Variants in MIPEP observed in about 807,000 individuals in gnomAD.
The protein encoded by MIPEP is mitochondrial intermediate peptidase.
In MIPEP, 79 loss-of-function variants were observed where a neutral mutation model predicts 90.3. The ratio of observed to expected loss-of-function variants is 0.87; its 90% CI spans 0.73 to 1.05. The LOEUF (loss-of-function observed/expected upper bound fraction) is 1.05. Ranked by LOEUF, MIPEP falls within the 50% of genes least tolerant of loss-of-function variation. The pLI is 0.00. For missense variants in MIPEP, 940 were observed against 905.6 expected (o/e 1.04, Z -0.49); for synonymous variants, 334 against 315.8 (o/e 1.06, Z -0.61).
intron 4 of MIPEP, among the ~76,000 whole-genome samples, chr13:23,878,757 C>T (rs746221131): frequency 2.0e-5 from 3 of 152,160 alleles, no homozygotes; most frequent in Non-Finnish European, 4.4e-5. Context: ...CAAAGCAAAT[C>T]ATTACAAGGA....
intron 8 of MIPEP, among the ~76,000 whole-genome samples, chr13:23,863,566 A>AT (rs1356525819): frequency 6.6e-6 from 1 of 152,248 alleles, no homozygotes; most frequent in African/African-American, 2.4e-5. Context: ...CATCCCCAAG[A>AT]TATCTCATTA....
At chr13:23,802,873 C>T (rs1253214842) in intron 16 of MIPEP, among the ~76,000 whole-genome samples, 3 of 152,020 alleles carry the variant, frequency 2.0e-5, no homozygotes, top group Admixed American at 6.5e-5. Context: ...ATGAGTTTGC[C>T]CAACTGTAGG....
chr13:23,802,905 C>T (rs1953061047), intron 16 of MIPEP, among the ~76,000 whole-genome samples: 1 of 152,146 alleles, frequency 6.6e-6, no homozygotes, highest in Admixed American at 6.5e-5. Context: ...ATTCTGAGCA[C>T]ATTTAAGGTA....
chr13:23,812,119 C>T (rs1410779474), intron 14 of MIPEP, among the ~76,000 whole-genome samples: 1 of 152,138 alleles, frequency 6.6e-6, no homozygotes, highest in African/African-American at 2.4e-5. Context: ...TGGGCAACAG[C>T]AGGTGTCTGC....
chr13:23,874,305 A>C (rs1870961657), intron 5 of MIPEP, among the ~76,000 whole-genome samples: 1 of 151,722 alleles, frequency 6.6e-6, no homozygotes, highest in South Asian at 2.1e-4. Context: ...CAGTGTTAGA[A>C]ATTTTAAGAA....
intron 16 of MIPEP, among the ~76,000 whole-genome samples, chr13:23,781,381 A>C (rs1475214805): frequency 2.0e-5 from 3 of 152,302 alleles, no homozygotes; most frequent in Middle Eastern, 3.4e-3. Context: ...GAGAAATAAA[A>C]TACTTTACAG....
intron 18 of MIPEP, among the ~76,000 whole-genome samples, chr13:23,745,730 C>T (rs1038580839): frequency 1.3e-5 from 2 of 152,008 alleles, no homozygotes; most frequent in African/African-American, 4.8e-5. Flanking sequence ...GAGTTCGAGA[C>T]CAGCCTGGCC....
At chr13:23,848,349 C>A (rs909556313) in intron 10 of MIPEP, among the ~76,000 whole-genome samples, 1 of 152,202 alleles carries the variant, frequency 6.6e-6, no homozygotes, top group Non-Finnish European at 1.5e-5. Flanking sequence ...CCCTTCTATT[C>A]CCCAAAGCTG....
intron 8 of MIPEP, among the ~76,000 whole-genome samples, chr13:23,863,677 C>T (rs888532096): frequency 6.6e-6 from 1 of 152,046 alleles, no homozygotes; most frequent in African/African-American, 2.4e-5. Context: ...TTATAACAAA[C>T]GGACACACCA....
At chr13:23,864,253 AATT>A (rs1458351441) in intron 7 of MIPEP, 64 bp from the exon 8 acceptor site, 23 of 1,117,406 alleles carry the variant, frequency 2.1e-5, no homozygotes, top group East Asian at 2.6e-5. Context: ...TATCTGTTAA[AATT>A]ATTATGTGAT....
intron 12 of MIPEP, 25 bp downstream of exon 12, chr13:23,839,624 G>T (rs771136664): frequency 1.2e-5 from 18 of 1,555,652 alleles, no homozygotes; most frequent in Non-Finnish European, 1.5e-5. Context: ...GTTCTAGAGA[G>T]ACCAGTTTAT....
At position 23,836,357 on chromosome 13, in the gene MIPEP, AAG is replaced by A; in HGVS notation, c.1544-10_1544-9del. ...CAGTAGGGCACCTGGTCCCTAAAAC[AAG>A]AAAAAAAAAAAAGTTGGCATGAATC... On this transcript the variant is annotated splice_polypyrimidine_tract_variant and intron_variant, in intron 13 of 18. Transcript: ENST00000382172. 6.5e-7 allele frequency: 1 copy of A among 1,534,300 alleles called. No individual in the cohort carries two copies. Among genetic ancestry groups the A allele is most frequent in the South Asian group, 1.3e-5 (1 of 78,682 alleles).
At chr13:23,749,257 CTT>C (rs1952414787) in intron 18 of MIPEP, among the ~76,000 whole-genome samples, 1 of 152,162 alleles carries the variant, frequency 6.6e-6, no homozygotes, top group Non-Finnish European at 1.5e-5. Context: ...ACAGACAGGA[CTT>C]ATTGCTCCTC....
chr13:23,888,863 G>T, intron 1 of MIPEP: 2 of 607,428 alleles, frequency 3.3e-6, no homozygotes, highest in Non-Finnish European at 2.3e-6. Flanking sequence ...CTGCCAGAAC[G>T]AACTATTCAG....
chr13:23,865,399 T>C (rs1870486663), intron 7 of MIPEP, among the ~76,000 whole-genome samples: 1 of 152,242 alleles, frequency 6.6e-6, no homozygotes, highest in Non-Finnish European at 1.5e-5. Context: ...TTCTTGCCAC[T>C]GTCAATACTT....
chr13:23,876,715 G>T (rs1478831667), intron 4 of MIPEP, among the ~76,000 whole-genome samples: 1 of 152,036 alleles, frequency 6.6e-6, no homozygotes, highest in Admixed American at 6.5e-5. Context: ...ATGTGGAAGC[G>T]TTTTGCCTTA....
intron 14 of MIPEP, among the ~76,000 whole-genome samples, chr13:23,831,954 G>T (rs1331046029): frequency 6.6e-6 from 1 of 152,102 alleles, no homozygotes; most frequent in Non-Finnish European, 1.5e-5. Flanking sequence ...TTTGTAAAGA[G>T]CCACTGTGAT....
intron 2 of MIPEP, among the ~76,000 whole-genome samples, chr13:23,884,012 T>C (rs2137540484): frequency 6.6e-6 from 1 of 152,264 alleles, no homozygotes; most frequent in East Asian, 1.9e-4. Context: ...GGTGAACATA[T>C]AATCATCTGA....
Position 23,889,118 on chromosome 13 carries a change from C to T in MIPEP, c.189+14G>A. On this transcript the variant is annotated intron_variant, in intron 1 of 18. Coordinates refer to ENST00000382172, the MANE Select transcript of MIPEP (RefSeq NM_005932.4). ...AGCTCGGGGACTGAGGGGAGCTCCT[C>T]CTGCGCCGCTCACCCGGCGCTCGCC... is the stretch of plus-strand genomic sequence containing the variant. The T allele has an allele frequency of 7.1e-7, 1 of 1,408,250 alleles. No homozygotes were observed. Among genetic ancestry groups the T allele is most frequent in the Non-Finnish European group, 9.2e-7 (1 of 1,084,560 alleles). The allele number at this position is 1,408,250 out of a possible 1,614,324, so 87.2% of individuals were successfully genotyped here. A position where few individuals can be genotyped will look rare whatever the true frequency, so the allele number is the denominator to read the frequency against.
Sources: gnomAD v4.1 joint callset for allele counts (sites outside exome capture counted in the v4.1 genomes callset) on GRCh38, gnomAD v4.1.1 for gene constraint, MANE v1.5 for transcripts, NCBI Gene and HGNC (gene_info 2026-07-23, HGNC 2026-07-21) for gene names.